DAPK1: variants seen among roughly 807,000 people sequenced by gnomAD.
DAPK1 encodes the protein death associated protein kinase 1.
Under a neutral mutation model 144.9 loss-of-function variants are expected in DAPK1, and 56 were observed. The observed-to-expected ratio is 0.39, with a 90% CI of 0.31 to 0.48. DAPK1 has a LOEUF of 0.48. DAPK1 is among the 20% of genes least tolerant of loss of function. DAPK1 has a pLI of 0.95. For missense variants in DAPK1, 1,454 were observed against 1,875.4 expected, an observed-to-expected ratio of 0.78 and a Z score of 4.15; for synonymous variants, 690 against 749.0, an observed-to-expected ratio of 0.92 and a Z score of 1.29.
intron 2 of DAPK1, among the ~76,000 whole-genome samples, chr9:87,504,994 T>A (rs563492249): frequency 1.3e-5 from 2 of 152,342 alleles, no homozygotes; most frequent in South Asian, 4.1e-4. Context: ...GAGGGCTGAC[T>A]GTAGTTGTAT....
At chr9:87,694,569 T>C (rs1231165339) in intron 21 of DAPK1, among the ~76,000 whole-genome samples, 1 of 151,992 alleles carries the variant, frequency 6.6e-6, no homozygotes, top group African/African-American at 2.4e-5. Context: ...AGCTGGGGAG[T>C]GTATGATTTG....
intron 2 of DAPK1, among the ~76,000 whole-genome samples, chr9:87,527,170 T>G (rs1825542546): frequency 6.6e-6 from 1 of 151,880 alleles, no homozygotes; most frequent in Non-Finnish European, 1.5e-5. Context: ...TAGGTGTTGG[T>G]CTCCCAGTGA....
intron 25 of DAPK1, among the ~76,000 whole-genome samples, chr9:87,704,199 T>G (rs1302907090): frequency 6.6e-6 from 1 of 152,182 alleles, no homozygotes; most frequent in Non-Finnish European, 1.5e-5. Flanking sequence ...AGTGATTGAA[T>G]CCAAGGAAGA....
intron 2 of DAPK1, among the ~76,000 whole-genome samples, chr9:87,512,184 C>A (rs1000048990): frequency 6.6e-6 from 1 of 152,166 alleles, no homozygotes; most frequent in Non-Finnish European, 1.5e-5. Flanking sequence ...CAGCCTCCTG[C>A]ATAGCTGGGA....
chr9:87,626,832 T>C (rs1415335367), intron 3 of DAPK1, among the ~76,000 whole-genome samples: 1 of 152,168 alleles, frequency 6.6e-6, no homozygotes, highest in Non-Finnish European at 1.5e-5. Flanking sequence ...GACTCTGATG[T>C]CATTTATGTT....
chr9:87,656,658 G>A (rs191165105), intron 17 of DAPK1, among the ~76,000 whole-genome samples: 4 of 152,314 alleles, frequency 2.6e-5, no homozygotes, highest in East Asian at 1.9e-4. Context: ...CTAGCCTCCC[G>A]CCTCAGTGGC....
chr9:87,596,288 A>T (rs1442162303), intron 2 of DAPK1, among the ~76,000 whole-genome samples: 2 of 152,202 alleles, frequency 1.3e-5, no homozygotes, highest in African/African-American at 4.8e-5. Flanking sequence ...GGGCATTCAC[A>T]CCAGGCAGGA....
intron 4 of DAPK1, among the ~76,000 whole-genome samples, 197 bp downstream of exon 4, chr9:87,638,278 G>A (rs1399919451): frequency 6.6e-6 from 1 of 152,188 alleles, no homozygotes; most frequent in Non-Finnish European, 1.5e-5. Context: ...TTGTGGGATA[G>A]AGGCTTAATG....
chr9:87,520,135 T>G (rs1449433306), intron 2 of DAPK1, among the ~76,000 whole-genome samples: 1 of 152,168 alleles, frequency 6.6e-6, no homozygotes, highest in Non-Finnish European at 1.5e-5. Context: ...AGGTGTATCA[T>G]GTGTTCTAAT....
At chr9:87,610,587 T>G (rs1199495100) in intron 3 of DAPK1, among the ~76,000 whole-genome samples, 1 of 152,262 alleles carries the variant, frequency 6.6e-6, no homozygotes. Flanking sequence ...TTATGCATTT[T>G]TCTGTCTAGC....
At chr9:87,505,874 G>C (rs1356136015) in intron 2 of DAPK1, among the ~76,000 whole-genome samples, 2 of 152,100 alleles carry the variant, frequency 1.3e-5, no homozygotes, top group African/African-American at 4.8e-5. Flanking sequence ...TTTTAGTAGA[G>C]GTGGGGTTTC....
chr9:87,531,604 C>T (rs1825700135), intron 2 of DAPK1, among the ~76,000 whole-genome samples: 1 of 152,040 alleles, frequency 6.6e-6, no homozygotes, highest in Non-Finnish European at 1.5e-5. Context: ...GGAGCTGTCA[C>T]TTCAGTGTAA....
Position 87,703,081 on chromosome 9 carries a change from C to G in DAPK1, c.2924C>G (p.Ser975Cys), listed in dbSNP as rs867038101. 6.2e-7 allele frequency: 1 copy of G among 1,601,458 alleles called. No homozygotes were observed. Among genetic ancestry groups the G allele is most frequent in the Non-Finnish European group, 8.6e-7 (1 of 1,168,524 alleles). ...LCEKIISTLP[S>C]WRKLNGPNQL... ...GAGAAAATCATCTCCACGCTGCCTTCCTGGAGGAAGCTCAATGGACCCAAC... is the reference window on the plus strand; with the variant it reads ...GAGAAAATCATCTCCACGCTGCCTTGCTGGAGGAAGCTCAATGGACCCAAC... Residue 975 changes from serine to cysteine, a missense_variant, in exon 25 of 26, where the codon TCC becomes TGC. By Grantham distance (112) the Ser-to-Cys change is moderately radical. Around this residue, in one of 2 missense-constraint regions of DAPK1, gnomAD observed 1,025 missense variants for 1,237.9 expected, o/e 0.83. Coordinates refer to ENST00000408954, the MANE Select transcript of DAPK1 (RefSeq NM_004938.4).
intron 20 of DAPK1, among the ~76,000 whole-genome samples, chr9:87,682,926 A>G (rs887656946): frequency 3.3e-5 from 5 of 151,868 alleles, no homozygotes; most frequent in Non-Finnish European, 5.9e-5. Context: ...ACACCTTTCC[A>G]TTTTCCAGTG....
chr9:87,645,969 C>G lies in DAPK1; in HGVS notation c.1086C>G (p.His362Gln), dbSNP rs764114271. Residue 362 changes from histidine (H) to glutamine (Q), a missense_variant, in exon 12 of 26, where the codon CAC (histidine) becomes CAG (glutamine). Physicochemically the swap from His to Gln is conservative, Grantham distance 24 (BLOSUM62 0). Around this residue, in one of 2 missense-constraint regions of DAPK1, gnomAD observed 429 missense variants for 637.5 expected, o/e 0.67. Transcript: ENST00000408954. ...ATGACAATGTCCCAGGCCTGCAGCA[C>G]CTTCTGGGCTCATTATCCAACTATG... is the stretch of plus-strand genomic sequence containing the variant. ...INDDNVPGLQHLLGSLSNYDV... is the reference protein window; with the variant it reads ...INDDNVPGLQQLLGSLSNYDV... The G allele has an allele frequency of 6.2e-7, 1 of 1,614,014 alleles. No homozygotes were observed. Among genetic ancestry groups the G allele is most frequent in the Admixed American group, 1.7e-5 (1 of 60,002 alleles).
Position 87,646,818 on chromosome 9 carries a change from C to T in DAPK1, c.1230+259C>T, listed in dbSNP as rs115142688. Among the ~76,000 whole-genome samples, 944 of 152,244 alleles carry T rather than the reference C, an allele frequency of 6.2e-3. 8 individuals are homozygous for T. The highest frequency in any genetic ancestry group is 0.021 in the African/African-American group (889 of 41,544). On this transcript the variant is annotated intron_variant, in intron 13 of 25. Coordinates refer to ENST00000408954, the MANE Select transcript of DAPK1 (RefSeq NM_004938.4). The stretch of plus-strand genomic sequence containing the variant: ...ACACTACCCAGATTTTACTTCTTAC[C>T]GATCACATTTACTCAACAATGTTAG...
chr9:87,631,053 G>A (rs1423031654), intron 3 of DAPK1, among the ~76,000 whole-genome samples: 2 of 152,144 alleles, frequency 1.3e-5, no homozygotes, highest in South Asian at 2.1e-4. Flanking sequence ...AATTGGAGCT[G>A]GCGCCTCTGC....
chr9:87,681,725 C>T (rs1349936121), intron 20 of DAPK1, 99 bp downstream of exon 20: 1 of 736,388 alleles, frequency 1.4e-6, no homozygotes, highest in South Asian at 1.5e-5. Context: ...GTTTGGGTCA[C>T]TTGGCCTATA....
chr9:87,608,393 GT>G (rs1312116125), intron 3 of DAPK1, among the ~76,000 whole-genome samples: 10 of 152,132 alleles, frequency 6.6e-5, no homozygotes, highest in African/African-American at 2.4e-4. Context: ...CATTTGGGTT[GT>G]TTCTGGTATT....
Sources: allele counts gnomAD v4.1 joint callset (sites outside exome capture counted in the v4.1 genomes callset), GRCh38; gene constraint gnomAD v4.1.1; regional missense constraint gnomAD v4.1.1; transcripts MANE v1.5; gene names NCBI Gene and HGNC (gene_info 2026-07-23, HGNC 2026-07-21).